The following TAFA2 variants were observed in gnomAD, a reference collection of about 807,000 sequenced individuals.
The protein encoded by TAFA2 is chemokine-like protein TAFA-2.
A neutral mutation model predicts 18.8 loss-of-function variants in TAFA2; 7 were observed. The ratio of observed to expected loss-of-function variants is 0.37; its 90% CI spans 0.21 to 0.70. TAFA2 has a LOEUF of 0.70. Among genes scored for constraint, TAFA2 ranks in the 30% least tolerant of loss-of-function variants. TAFA2 has a pLI of 0.53. For missense variants in TAFA2, 122 were observed against 158.1 expected (o/e 0.77, Z 1.23); for synonymous variants, 60 against 54.2 (o/e 1.11, Z -0.47).
intron 2 of TAFA2, among the ~76,000 whole-genome samples, chr12:61,784,475 T>C (rs1278601147): frequency 3.3e-5 from 5 of 151,374 alleles, no homozygotes; most frequent in East Asian, 3.9e-4. Context: ...GTTTAAAGGG[T>C]TGGGTTTCTT....
At chr12:62,159,074 G>C (rs1426045909) in intron 1 of TAFA2, among the ~76,000 whole-genome samples, 1 of 152,142 alleles carries the variant, frequency 6.6e-6, no homozygotes. Flanking sequence ...CTGTTGACAG[G>C]AAACATAATT....
chr12:61,901,696 G>T (rs965816060), intron 1 of TAFA2, among the ~76,000 whole-genome samples: 2 of 152,092 alleles, frequency 1.3e-5, no homozygotes, highest in Non-Finnish European at 2.9e-5. Context: ...TATAGGAGTT[G>T]AATTGAAGGC....
intron 1 of TAFA2, among the ~76,000 whole-genome samples, chr12:61,992,273 T>C (rs1231044078): frequency 6.6e-6 from 1 of 152,210 alleles, no homozygotes; most frequent in African/African-American, 2.4e-5. Context: ...CCATACCTGC[T>C]ACTACCACCA....
intron 1 of TAFA2, among the ~76,000 whole-genome samples, chr12:62,167,374 A>G (rs2062447761): frequency 6.6e-6 from 1 of 152,240 alleles, no homozygotes; most frequent in Non-Finnish European, 1.5e-5. Flanking sequence ...CCAGCAGTAT[A>G]ACCAGAGAGA....
Position 61,952,436 on chromosome 12 carries a change from T to A in TAFA2, c.-1-85010A>T, listed in dbSNP as rs73310286. 2.6e-3 allele frequency among the ~76,000 whole-genome samples: 400 copies of A among 152,296 alleles called. 1 individual carries two copies. Among genetic ancestry groups the A allele is most frequent in the African/African-American group, 9.1e-3 (378 of 41,574 alleles). On this transcript the variant is annotated intron_variant, in intron 1 of 4. Transcript: ENST00000416284. ...CCTTTCAGAGTTTTTATATTTTTATTCCCTGTTCTTGTGGTCAAGTTTTGA... is the reference window on the plus strand; with the variant it reads ...CCTTTCAGAGTTTTTATATTTTTATACCCTGTTCTTGTGGTCAAGTTTTGA...
intron 1 of TAFA2, among the ~76,000 whole-genome samples, chr12:62,178,798 C>T (rs1225192054): frequency 1.3e-5 from 2 of 152,176 alleles, no homozygotes; most frequent in African/African-American, 2.4e-5. Context: ...TAAATCTGCC[C>T]TGTAATCCAG....
intron 1 of TAFA2, among the ~76,000 whole-genome samples, chr12:62,131,925 C>T (rs1316623708): frequency 6.6e-6 from 1 of 151,774 alleles, no homozygotes; most frequent in Non-Finnish European, 1.5e-5. Flanking sequence ...TCTGTCATTC[C>T]TATTCACAGC....
In TAFA2 at chr12:61,823,374, T is replaced by TA. The variant is rs199549177; in HGVS notation, c.106+43945dup. Among the ~76,000 whole-genome samples, 586 of 151,550 alleles carry TA rather than the reference T, an allele frequency of 3.9e-3. 4 individuals carry two copies. The highest frequency in any genetic ancestry group is 0.014 in the African/African-American group (558 of 41,324). ...TCTGTGATATCAATTTTAAATGTTGTAAAAAAAAATTCCAAAACCTGCATC... is the reference window on the plus strand; with the variant it reads ...TCTGTGATATCAATTTTAAATGTTGTAAAAAAAAAATTCCAAAACCTGCATC... On this transcript the variant is annotated intron_variant, in intron 2 of 4. Transcript: ENST00000416284.
chr12:62,022,407 A>T (rs569449119), intron 1 of TAFA2, among the ~76,000 whole-genome samples: 2 of 152,186 alleles, frequency 1.3e-5, no homozygotes, highest in African/African-American at 4.8e-5. Context: ...CAACACTGGG[A>T]TGTAAGGATT....
chr12:62,088,824 GAA>G (rs555442314), intron 1 of TAFA2, among the ~76,000 whole-genome samples: 1 of 151,702 alleles, frequency 6.6e-6, no homozygotes, highest in Non-Finnish European at 1.5e-5. Context: ...TTTGCATTCT[GAA>G]AAAAACCACA....
chr12:61,921,386 CCTGATAGA>C (rs1176932804), intron 1 of TAFA2, among the ~76,000 whole-genome samples: 1 of 152,080 alleles, frequency 6.6e-6, no homozygotes, highest in Admixed American at 6.5e-5. Context: ...AAGAAGACTC[CCTGATAGA>C]TTGAATTCTG....
intron 1 of TAFA2, among the ~76,000 whole-genome samples, chr12:61,980,193 C>T (rs553327434): frequency 5.9e-5 from 9 of 152,156 alleles, no homozygotes; most frequent in East Asian, 1.9e-4. Flanking sequence ...ACAGAACCAA[C>T]GACAAAAACC....
At chr12:61,713,991 T>A (rs1869532686) in intron 4 of TAFA2, among the ~76,000 whole-genome samples, 1 of 152,214 alleles carries the variant, frequency 6.6e-6, no homozygotes, top group Non-Finnish European at 1.5e-5. Flanking sequence ...ATTCAAACTG[T>A]ATTTTTTGGA....
chr12:61,826,996 A>G (rs1366783787), intron 2 of TAFA2, among the ~76,000 whole-genome samples: 2 of 152,062 alleles, frequency 1.3e-5, no homozygotes, highest in Admixed American at 1.3e-4. Flanking sequence ...TCCTTCTATA[A>G]TAATAGAACT....
At chr12:61,960,891 T>C (rs1878861730) in intron 1 of TAFA2, among the ~76,000 whole-genome samples, 2 of 152,128 alleles carry the variant, frequency 1.3e-5, no homozygotes, top group South Asian at 4.1e-4. Context: ...ATAGAACTTT[T>C]ATTTTCTTGC....
At chr12:61,748,774 T>G (rs1297001480) in intron 4 of TAFA2, among the ~76,000 whole-genome samples, 1 of 152,098 alleles carries the variant, frequency 6.6e-6, no homozygotes, top group Non-Finnish European at 1.5e-5. Context: ...TTACTGTCAT[T>G]TAAATGTAGC....
intron 2 of TAFA2, among the ~76,000 whole-genome samples, chr12:61,839,773 T>C (rs1348878558): frequency 6.6e-6 from 1 of 152,032 alleles, no homozygotes; most frequent in Non-Finnish European, 1.5e-5. Context: ...TCAGGTACTA[T>C]GTTCACTACT....
At chr12:61,827,291 A>T (rs1872567691) in intron 2 of TAFA2, 1 of 152,044 alleles carries the variant, frequency 6.6e-6, no homozygotes. Context: ...GAATTTTATG[A>T]GAAAGCAATA....
chr12:61,767,035 A>T (rs1869820720), intron 2 of TAFA2, among the ~76,000 whole-genome samples: 1 of 152,118 alleles, frequency 6.6e-6, no homozygotes, highest in African/African-American at 2.4e-5. Context: ...CATCTGTGGG[A>T]TAAAGTTGGT....
Sources: gnomAD v4.1 joint callset for allele counts (sites outside exome capture counted in the v4.1 genomes callset) on GRCh38, gnomAD v4.1.1 for gene constraint, MANE v1.5 for transcripts, NCBI Gene and HGNC (gene_info 2026-07-23, HGNC 2026-07-21) for gene names.